The following ZBTB7C variants were observed in gnomAD, a reference collection of about 807,000 sequenced individuals.
ZBTB7C encodes the protein zinc finger and BTB domain containing 7C, also known as zinc finger and BTB domain-containing protein 7C.
Under a neutral mutation model 25.7 loss-of-function variants are expected in ZBTB7C, and 8 were observed. That is an observed-to-expected ratio of 0.31 (90% CI 0.18 to 0.56). The LOEUF is 0.56. Ranked by LOEUF, ZBTB7C falls within the 20% of genes least tolerant of loss-of-function variation. The probability of loss-of-function intolerance (pLI) is 0.91; values close to 1 mark genes in which losing one functional copy is unlikely to be tolerated. For synonymous variants in ZBTB7C, 394 were observed against 369.0 expected, an observed-to-expected ratio of 1.07 and a Z score of -0.78; for missense variants, 824 against 855.2, an observed-to-expected ratio of 0.96 and a Z score of 0.46.
At chr18:48,042,981 A>AGAT (rs2036316311) in intron 3 of ZBTB7C, among the ~76,000 whole-genome samples, 2 of 152,266 alleles carry the variant, frequency 1.3e-5, no homozygotes, top group East Asian at 1.9e-4. Context: ...TAATCTGAAA[A>AGAT]GATGTTCAAT....
At chr18:48,387,672 G>A (rs930096038) in intron 1 of ZBTB7C, among the ~76,000 whole-genome samples, 3 of 152,152 alleles carry the variant, frequency 2.0e-5, no homozygotes, top group Admixed American at 2.0e-4. Context: ...TATGAGCCTG[G>A]GCACTATAAC....
chr18:48,397,968 C>T (rs1321142072), intron 1 of ZBTB7C, among the ~76,000 whole-genome samples: 2 of 152,186 alleles, frequency 1.3e-5, no homozygotes, highest in African/African-American at 4.8e-5. Flanking sequence ...AAAGCTTCTG[C>T]GTGACCAGGT....
chr18:48,284,709 T>C (rs1218952129), intron 2 of ZBTB7C, among the ~76,000 whole-genome samples: 2 of 148,690 alleles, frequency 1.3e-5, no homozygotes. Flanking sequence ...GAGAATTGCT[T>C]GAACCCAGGA....
chr18:48,224,502 CG>C (rs925167977), intron 2 of ZBTB7C, among the ~76,000 whole-genome samples: 2 of 152,140 alleles, frequency 1.3e-5, no homozygotes, highest in African/African-American at 4.8e-5. Flanking sequence ...GCAGACATGC[CG>C]GGGCCTCAGC....
chr18:48,371,425 T>C (rs988246644), intron 1 of ZBTB7C, among the ~76,000 whole-genome samples: 6 of 152,166 alleles, frequency 3.9e-5, no homozygotes, highest in African/African-American at 1.2e-4. Context: ...GAAAGGGAAA[T>C]TGAGGCCCAG....
intron 3 of ZBTB7C, among the ~76,000 whole-genome samples, chr18:48,167,568 G>GTGTGTGTGTGTT (rs772108244): frequency 0.06 from 9,015 of 149,610 alleles, 316 homozygotes; most frequent in African/African-American, 0.069. Context: ...GCTAGGGTGT[G>GTGTGTGTGTGTT]TGTGTGTGTG....
intron 3 of ZBTB7C, among the ~76,000 whole-genome samples, chr18:48,080,086 G>T (rs909867344): frequency 2.6e-5 from 4 of 152,230 alleles, no homozygotes; most frequent in African/African-American, 7.2e-5. Context: ...CCCGCCTGGT[G>T]GGGGAGTGAC....
chr18:48,048,441 A>G (rs558244456), intron 3 of ZBTB7C, among the ~76,000 whole-genome samples: 33 of 152,288 alleles, frequency 2.2e-4, no homozygotes, highest in African/African-American at 7.9e-4. Context: ...TTGACTGAGG[A>G]GGTTGAGGGT....
At chr18:48,098,622 C>T (rs1281448171) in intron 3 of ZBTB7C, among the ~76,000 whole-genome samples, 1 of 152,178 alleles carries the variant, frequency 6.6e-6, no homozygotes, top group East Asian at 1.9e-4. Flanking sequence ...ATTCTCCGCT[C>T]CCATCCGGGT....
Position 48,330,870 on chromosome 18 carries a change from C to T in ZBTB7C, c.-79+7304G>A, listed in dbSNP as rs181699871. Among the ~76,000 whole-genome samples the T allele has an allele frequency of 9.9e-5, 15 of 152,232 alleles. 1 individual carries two copies. In the East Asian group the frequency reaches 2.9e-3, roughly 29 times the overall value. On this transcript the variant is annotated intron_variant, in intron 2 of 4. Transcript: ENST00000590800. Reference sequence around the variant, plus strand: ...CCCCAAAGTCAGATAGCATTGAAATCCAAACAAGGTTTATGTGCTCAGCTG... The same window carrying T: ...CCCCAAAGTCAGATAGCATTGAAATTCAAACAAGGTTTATGTGCTCAGCTG...
intron 2 of ZBTB7C, among the ~76,000 whole-genome samples, chr18:48,233,669 C>G (rs1037657896): frequency 6.6e-6 from 1 of 152,184 alleles, no homozygotes; most frequent in African/African-American, 2.4e-5. Context: ...ATCGACAGCA[C>G]TTTTGAAAAT....
At chr18:48,204,110 T>C (rs1260736381) in intron 2 of ZBTB7C, among the ~76,000 whole-genome samples, 1 of 152,208 alleles carries the variant, frequency 6.6e-6, no homozygotes, top group Non-Finnish European at 1.5e-5. Context: ...TCCCTCCTTT[T>C]TGCATTCCTT....
intron 2 of ZBTB7C, among the ~76,000 whole-genome samples, chr18:48,292,602 AGGTAGCCAACCTGG>A (rs964842471): frequency 2.0e-5 from 3 of 152,214 alleles, no homozygotes; most frequent in African/African-American, 7.2e-5. Flanking sequence ...CGTCTGCTGC[AGGTAGCCAACCTGG>A]GCAGGGACCT....
At chr18:48,252,562 G>A (rs947773361) in intron 2 of ZBTB7C, 5 of 152,204 alleles carry the variant, frequency 3.3e-5, no homozygotes, top group Non-Finnish European at 5.9e-5. Flanking sequence ...GTGTGCTCAG[G>A]TGTACCTGCC....
chr18:48,198,792 T>G (rs1405974388), intron 2 of ZBTB7C, among the ~76,000 whole-genome samples: 1 of 152,212 alleles, frequency 6.6e-6, no homozygotes, highest in Non-Finnish European at 1.5e-5. Flanking sequence ...ACCTAACACT[T>G]TCACAGGCCC....
intron 2 of ZBTB7C, among the ~76,000 whole-genome samples, chr18:48,310,761 G>A (rs1009445884): frequency 5.3e-5 from 8 of 152,206 alleles, no homozygotes; most frequent in Admixed American, 4.6e-4. Context: ...CGCTGCTCTG[G>A]GGAGTCTGAG....
chr18:48,040,050 A>C lies in ZBTB7C; in HGVS notation c.1058T>G (p.Val353Gly), dbSNP rs149593121. The C allele has an allele frequency of 1.5e-3, 2,422 of 1,613,996 alleles. 2 individuals carry two copies. The highest frequency in any genetic ancestry group is 1.8e-3 in the Non-Finnish European group (2,132 of 1,179,980). The change falls in exon 4 of 5, where the codon GTA becomes GGA. Residue 353 changes from valine (V) to glycine (G), a missense_variant. Around this residue, in one of 4 missense-constraint regions of ZBTB7C, gnomAD observed 316 missense variants for 299.2 expected, o/e 1.06. Coordinates refer to ENST00000590800, the MANE Select transcript of ZBTB7C (RefSeq NM_001318841.2). The part of the protein sequence containing the change: ...LGGLFPPWPL[V>G]EERKLKPKAS... ...CTTGGGCTTCAGCTTGCGCTCTTCTACCAGGGGCCAGGGTGGGAAGAGGCC... is the reference window on the plus strand; with the variant it reads ...CTTGGGCTTCAGCTTGCGCTCTTCTCCCAGGGGCCAGGGTGGGAAGAGGCC...
chr18:48,044,834 T>A (rs1304946571), intron 3 of ZBTB7C, among the ~76,000 whole-genome samples: 1 of 152,232 alleles, frequency 6.6e-6, no homozygotes, highest in Non-Finnish European at 1.5e-5. Context: ...CATCTGCCCT[T>A]AGGCTTACTC....
At chr18:48,353,933 A>T (rs1355226058) in intron 1 of ZBTB7C, among the ~76,000 whole-genome samples, 1 of 152,164 alleles carries the variant, frequency 6.6e-6, no homozygotes, top group Non-Finnish European at 1.5e-5. Flanking sequence ...TGGGAAGGAG[A>T]GGGAGATAGA....
Sources: gnomAD v4.1 joint callset for allele counts (sites outside exome capture counted in the v4.1 genomes callset) on GRCh38, gnomAD v4.1.1 for gene constraint, gnomAD v4.1.1 regional missense constraint, MANE v1.5 for transcripts, NCBI Gene and HGNC (gene_info 2026-07-23, HGNC 2026-07-21) for gene names.